Variants in RIT2 observed in about 807,000 individuals in gnomAD.
RIT2 encodes the protein Ras like without CAAX 2.
Under a neutral mutation model 23.7 loss-of-function variants are expected in RIT2, and 24 were observed. That is an observed-to-expected ratio of 1.01 (90% confidence interval 0.73 to 1.43). RIT2 has a LOEUF of 1.43. Ranked by LOEUF, RIT2 falls within the 40% of genes most tolerant of loss-of-function variation. The probability of loss-of-function intolerance (pLI) is 0.00; values close to 1 mark genes in which losing one functional copy is unlikely to be tolerated. For synonymous variants in RIT2, 107 were observed against 91.1 expected (o/e 1.17, Z -0.99); for missense variants, 236 against 266.9 (o/e 0.88, Z 0.81).
intron 1 of RIT2, among the ~76,000 whole-genome samples, chr18:43,094,391 C>T (rs1227781781): frequency 1.3e-5 from 2 of 151,822 alleles, no homozygotes; most frequent in African/African-American, 2.4e-5. Context: ...AGTGGTCATA[C>T]ATTGTCTATA....
intron 4 of RIT2, among the ~76,000 whole-genome samples, chr18:42,774,112 T>C (rs927804411): frequency 6.6e-6 from 1 of 152,178 alleles, no homozygotes. Flanking sequence ...AAAAAGATAT[T>C]TTCACACTTG....
intron 4 of RIT2, among the ~76,000 whole-genome samples, chr18:42,919,746 A>C (rs888231827): frequency 3.9e-5 from 6 of 151,972 alleles, no homozygotes; most frequent in Admixed American, 6.6e-5. Flanking sequence ...TGCAATTGAC[A>C]TAAAACGTTC....
chr18:42,822,501 G>A (rs771443814), intron 4 of RIT2, among the ~76,000 whole-genome samples: 4 of 152,074 alleles, frequency 2.6e-5, no homozygotes, highest in Non-Finnish European at 5.9e-5. Flanking sequence ...ATCTGCAATG[G>A]TTGGTTCCAA....
At chr18:42,824,075 G>T (rs535039335) in intron 4 of RIT2, among the ~76,000 whole-genome samples, 1 of 152,096 alleles carries the variant, frequency 6.6e-6, no homozygotes, top group African/African-American at 2.4e-5. Flanking sequence ...TTCAGTAAAT[G>T]ATGTTAAAAA....
intron 2 of RIT2, among the ~76,000 whole-genome samples, chr18:42,979,141 T>C (rs1321802043): frequency 6.6e-6 from 1 of 152,094 alleles, no homozygotes; most frequent in African/African-American, 2.4e-5. Context: ...TAACTAGAAA[T>C]ATAAAGTTTT....
At chr18:42,974,939 TGAAA>T (rs1910445809) in intron 2 of RIT2, among the ~76,000 whole-genome samples, 1 of 152,122 alleles carries the variant, frequency 6.6e-6, no homozygotes, top group Admixed American at 6.6e-5. Context: ...ATTTATGGAC[TGAAA>T]GATTGTTAAA....
rs1598648863 is a variant in RIT2, at chr18:42,775,459, G to A, written c.427-31739C>T. Among the ~76,000 whole-genome samples, 4 of 152,174 alleles carry A rather than the reference G, an allele frequency of 2.6e-5. 1 individual carries two copies. Among genetic ancestry groups the A allele is most frequent in the Admixed American group, 1.3e-4 (2 of 15,290 alleles). On this transcript the variant is annotated intron_variant, in intron 4 of 4. Transcript: ENST00000326695. ...AGTCTGTAATCCCAGCACTTTGGGA[G>A]GCCGAGGCAGGCGGATCACAAGGTC... is the stretch of plus-strand genomic sequence containing the variant.
At chr18:42,901,907 C>T (rs565063) in intron 4 of RIT2, among the ~76,000 whole-genome samples, 140,509 of 151,892 alleles carry the variant, frequency 0.93, 65,028 homozygotes, top group East Asian at 1. Flanking sequence ...TTTTCTGAAA[C>T]CAGATTTTTT....
At chr18:42,811,567 A>T (rs1020364869) in intron 4 of RIT2, among the ~76,000 whole-genome samples, 1 of 152,116 alleles carries the variant, frequency 6.6e-6, no homozygotes, top group African/African-American at 2.4e-5. Context: ...TGAGATCTAA[A>T]GTTGTTTTGA....
chr18:42,981,471 C>T (rs554589546), intron 2 of RIT2, among the ~76,000 whole-genome samples: 57 of 152,058 alleles, frequency 3.7e-4, no homozygotes, highest in African/African-American at 7.0e-4. Flanking sequence ...GAATATCTAG[C>T]GACAAAGGTC....
chr18:42,927,453 G>A (rs966382231), intron 3 of RIT2, among the ~76,000 whole-genome samples: 1 of 151,424 alleles, frequency 6.6e-6, no homozygotes, highest in African/African-American at 2.4e-5. Flanking sequence ...TCAGAGATTT[G>A]AGCAAAATCT....
chr18:43,043,350 C>T (rs945353659), intron 1 of RIT2, among the ~76,000 whole-genome samples: 5 of 152,110 alleles, frequency 3.3e-5, no homozygotes, highest in Non-Finnish European at 5.9e-5. Context: ...TTAATTCCTT[C>T]CTCTTACCTG....
At chr18:42,806,737 T>C (rs573587684) in intron 4 of RIT2, among the ~76,000 whole-genome samples, 1 of 152,358 alleles carries the variant, frequency 6.6e-6, no homozygotes, top group African/African-American at 2.4e-5. Context: ...AGTGTAACTA[T>C]TCTAGATTAA....
At chr18:43,110,388 A>G (rs1913925913) in intron 1 of RIT2, among the ~76,000 whole-genome samples, 1 of 152,084 alleles carries the variant, frequency 6.6e-6, no homozygotes, top group Non-Finnish European at 1.5e-5. Flanking sequence ...AATCTGTTGA[A>G]TAAATTTGAT....
intron 1 of RIT2, among the ~76,000 whole-genome samples, chr18:43,070,339 C>G (rs1382376273): frequency 6.6e-6 from 1 of 152,140 alleles, no homozygotes; most frequent in Non-Finnish European, 1.5e-5. Flanking sequence ...TTCCCTTCTG[C>G]TTTTAGAAAT....
chr18:43,055,841 T>G (rs1912489757), intron 1 of RIT2, among the ~76,000 whole-genome samples: 1 of 152,074 alleles, frequency 6.6e-6, no homozygotes, highest in Admixed American at 6.6e-5. Flanking sequence ...ACAGGTCTAG[T>G]AGGCAAGGAT....
chr18:43,032,329 G>A (rs1190767899), intron 2 of RIT2, among the ~76,000 whole-genome samples: 2 of 151,958 alleles, frequency 1.3e-5, no homozygotes, highest in South Asian at 2.1e-4. Flanking sequence ...GACGTGAGAG[G>A]TTGATGAACA....
chr18:43,060,844 G>C (rs11664771), intron 1 of RIT2, among the ~76,000 whole-genome samples: 13,561 of 152,044 alleles, frequency 0.089, 709 homozygotes, highest in Non-Finnish European at 0.11. Context: ...TGTAAAATCA[G>C]GTATTTTAGA....
At chr18:42,923,790 T>A in intron 3 of RIT2, 27 bp from the exon 4 acceptor site, 1 of 1,439,454 alleles carries the variant, frequency 6.9e-7, no homozygotes, top group African/African-American at 1.4e-5. Flanking sequence ...AAAAAATTAG[T>A]TATGGGCTTT....
Sources: gnomAD v4.1 joint callset for allele counts (sites outside exome capture counted in the v4.1 genomes callset) on GRCh38, gnomAD v4.1.1 for gene constraint, MANE v1.5 for transcripts, NCBI Gene and HGNC (gene_info 2026-07-23, HGNC 2026-07-21) for gene names.